The following ATE1 variants were observed in gnomAD, a reference collection of about 807,000 sequenced individuals.
ATE1 encodes arginyl-tRNA--protein transferase 1.
In ATE1, 36 loss-of-function variants were observed where a neutral mutation model predicts 70.5. The observed-to-expected ratio is 0.51, with a 90% confidence interval of 0.39 to 0.67. ATE1 has a LOEUF of 0.67. ATE1 is among the 30% of genes least tolerant of loss of function. ATE1 has a pLI of 0.00. For synonymous variants in ATE1, 232 were observed against 219.3 expected (o/e 1.06, Z -0.51); for missense variants, 593 against 629.5 (o/e 0.94, Z 0.62).
At chr10:121,804,975 T>C (rs890052713) in intron 10 of ATE1, among the ~76,000 whole-genome samples, 3 of 152,154 alleles carry the variant, frequency 2.0e-5, no homozygotes, top group African/African-American at 7.2e-5. Flanking sequence ...TGTGTGTTTG[T>C]GAGCAACAGA....
chr10:121,834,453 T>G (rs1167244834), intron 10 of ATE1, among the ~76,000 whole-genome samples: 1 of 152,098 alleles, frequency 6.6e-6, no homozygotes, highest in Non-Finnish European at 1.5e-5. Flanking sequence ...AAAATAAATA[T>G]TTTGAAGCTA....
chr10:121,912,028 G>A (rs1386141668), intron 4 of ATE1, among the ~76,000 whole-genome samples: 1 of 152,066 alleles, frequency 6.6e-6, no homozygotes, highest in East Asian at 2.0e-4. Flanking sequence ...TTACAGGCGT[G>A]AACCACCATG....
At chr10:121,765,730 A>G (rs1261357538) in intron 11 of ATE1, among the ~76,000 whole-genome samples, 2 of 152,216 alleles carry the variant, frequency 1.3e-5, no homozygotes, top group Non-Finnish European at 2.9e-5. Flanking sequence ...AGACAGAATG[A>G]CACTCAGGTG....
At chr10:121,817,466 T>G (rs573393881) in intron 10 of ATE1, among the ~76,000 whole-genome samples, 75 of 150,902 alleles carry the variant, frequency 5.0e-4, no homozygotes, top group East Asian at 1.2e-3. Flanking sequence ...GTGAACCCGG[T>G]AGGCGGAGCT....
At chr10:121,770,170 T>A (rs1945445619) in intron 11 of ATE1, among the ~76,000 whole-genome samples, 1 of 150,544 alleles carries the variant, frequency 6.6e-6, no homozygotes, top group African/African-American at 2.4e-5. Context: ...TGCCATGGAA[T>A]ACTACTTAGC....
At chr10:121,787,635 G>A (rs1305600254) in intron 11 of ATE1, among the ~76,000 whole-genome samples, 1 of 152,128 alleles carries the variant, frequency 6.6e-6, no homozygotes, top group Non-Finnish European at 1.5e-5. Context: ...ACAATGTTAA[G>A]AGCTAAAGCT....
intron 10 of ATE1, among the ~76,000 whole-genome samples, chr10:121,818,460 A>G (rs2133558856): frequency 6.6e-6 from 1 of 152,208 alleles, no homozygotes; most frequent in East Asian, 1.9e-4. Context: ...ACACTCTCCA[A>G]AAAAAGCAAT....
At chr10:121,830,471 G>A (rs1025678688) in intron 10 of ATE1, among the ~76,000 whole-genome samples, 1 of 152,128 alleles carries the variant, frequency 6.6e-6, no homozygotes, top group South Asian at 2.1e-4. Flanking sequence ...CTGGGCAGAT[G>A]CAAGTGCCAT....
Position 121,913,857 on chromosome 10 carries a change from G to C in ATE1, c.270C>G (p.His90Gln). 1 of 1,612,320 alleles carries C rather than the reference G, an allele frequency of 6.2e-7. No homozygotes were observed. The highest frequency in any genetic ancestry group is 1.1e-5 in the South Asian group (1 of 90,892). ...TCAACATTTTTTTCAAAACCTTCTT[G>C]TGAGATTTTGAAGGCTGAAATTGTA... ...RPLQFQPSKS[H>Q]KKVLKKMLKF... Residue 90 changes from histidine (H) to glutamine (Q), a missense_variant, in exon 4 of 12, where the codon CAC (histidine) becomes CAG (glutamine). By Grantham distance (24) the His-to-Gln change is conservative (BLOSUM62 0). Transcript: ENST00000224652.
intron 7 of ATE1, among the ~76,000 whole-genome samples, chr10:121,891,397 GAA>G (rs886800660): frequency 2.0e-5 from 3 of 152,230 alleles, no homozygotes; most frequent in Admixed American, 6.5e-5. Context: ...GTGGCGACAG[GAA>G]AAAGAGGGCA....
At chr10:121,745,966 A>G (rs1421288762) in intron 11 of ATE1, among the ~76,000 whole-genome samples, 1 of 152,226 alleles carries the variant, frequency 6.6e-6, no homozygotes, top group African/African-American at 2.4e-5. Flanking sequence ...GGCACAGTAT[A>G]AACAATAGTT....
intron 9 of ATE1, 32 bp downstream of exon 9, chr10:121,841,050 C>T (rs1223270179): frequency 6.9e-7 from 1 of 1,454,048 alleles, no homozygotes. Flanking sequence ...TTCTATATAA[C>T]CCACTACAAT....
chr10:121,922,540 T>C (rs1353836923), intron 2 of ATE1, 129 bp from the exon 3 acceptor site: 2 of 624,568 alleles, frequency 3.2e-6, no homozygotes, highest in Non-Finnish European at 5.7e-6. Context: ...TAGGTTTAAT[T>C]ACTCTTCATA....
chr10:121,775,563 A>T (rs1247014703), intron 11 of ATE1, among the ~76,000 whole-genome samples: 2 of 152,240 alleles, frequency 1.3e-5, no homozygotes, highest in African/African-American at 4.8e-5. Flanking sequence ...GAAAAGAGCC[A>T]ATCTGTCATC....
chr10:121,867,007 C>T (rs1262695240), intron 8 of ATE1, among the ~76,000 whole-genome samples: 2 of 152,122 alleles, frequency 1.3e-5, no homozygotes, highest in African/African-American at 4.8e-5. Context: ...GGAAGACAGA[C>T]TGTTAACTAC....
intron 11 of ATE1, among the ~76,000 whole-genome samples, chr10:121,758,483 A>G (rs1324410518): frequency 2.0e-5 from 3 of 152,236 alleles, no homozygotes; most frequent in Admixed American, 6.5e-5. Flanking sequence ...GGAGCATAAA[A>G]TTAAATTAGA....
chr10:121,795,987 T>A (rs927460948), intron 10 of ATE1, among the ~76,000 whole-genome samples: 2 of 152,232 alleles, frequency 1.3e-5, no homozygotes, highest in South Asian at 4.1e-4. Flanking sequence ...TAAAAGCAGA[T>A]TAATTCTTTC....
intron 7 of ATE1, among the ~76,000 whole-genome samples, chr10:121,885,260 C>CAAAAAAA (rs1212899309): frequency 3.0e-5 from 1 of 33,374 alleles, no homozygotes; most frequent in Admixed American, 3.5e-4. Context: ...GACTCCGTCT[C>CAAAAAAA]AAAAAAAAAA....
chr10:121,763,669 C>T (rs534420523), intron 11 of ATE1, among the ~76,000 whole-genome samples: 153 of 152,264 alleles, frequency 1.0e-3, no homozygotes, highest in Non-Finnish European at 1.7e-3. Flanking sequence ...GTAGGATACA[C>T]GTCATACATG....
Sources: gnomAD v4.1 joint callset for allele counts (sites outside exome capture counted in the v4.1 genomes callset) on GRCh38, gnomAD v4.1.1 for gene constraint, MANE v1.5 for transcripts, NCBI Gene and HGNC (gene_info 2026-07-23, HGNC 2026-07-21) for gene names.